The following PLEKHM3 variants were observed in gnomAD, a reference collection of about 807,000 sequenced individuals.
PLEKHM3 encodes the protein pleckstrin homology domain containing M3, also known as pleckstrin homology domain-containing family M member 3.
A neutral mutation model predicts 81.8 loss-of-function variants in PLEKHM3; 45 were observed. That is an observed-to-expected ratio of 0.55 (90% CI 0.43 to 0.71). The LOEUF is 0.71. Ranked by LOEUF, PLEKHM3 falls within the 30% of genes least tolerant of loss-of-function variation. The pLI is 0.00. For synonymous variants in PLEKHM3, 352 were observed against 356.4 expected, an observed-to-expected ratio of 0.99 and a Z score of 0.14; for missense variants, 788 against 924.3, an observed-to-expected ratio of 0.85 and a Z score of 1.91.
intron 6 of PLEKHM3, among the ~76,000 whole-genome samples, chr2:207,892,690 T>C (rs921866227): frequency 6.6e-6 from 1 of 152,098 alleles, no homozygotes; most frequent in Non-Finnish European, 1.5e-5. Context: ...ATCCACCCCA[T>C]TGCCATTGGT....
chr2:207,918,680 A>G (rs1689081046), intron 5 of PLEKHM3, among the ~76,000 whole-genome samples: 1 of 152,238 alleles, frequency 6.6e-6, no homozygotes, highest in Admixed American at 6.5e-5. Context: ...TATGATGAAC[A>G]GTATTCTTTT....
intron 6 of PLEKHM3, among the ~76,000 whole-genome samples, chr2:207,872,428 T>G (rs2092539388): frequency 6.6e-6 from 1 of 152,204 alleles, no homozygotes; most frequent in South Asian, 2.1e-4. Flanking sequence ...TCACATCTCA[T>G]GCAATTTTCT....
chr2:207,856,205 G>A (rs2092436660), intron 7 of PLEKHM3, among the ~76,000 whole-genome samples: 2 of 152,124 alleles, frequency 1.3e-5, no homozygotes, highest in Admixed American at 6.6e-5. Context: ...AAATTGGGCA[G>A]AGAGTTCCCA....
Position 207,931,020 on chromosome 2 carries a change from G to A in PLEKHM3, c.1792C>T (p.Leu598=). Residue 598 remains leucine, a synonymous_variant, in exon 5 of 8, where the codon CTG becomes TTG. Transcript: ENST00000427836. Reference sequence around the variant, plus strand: ...TGCCGCAGCCGCAGCACGGCGGCCAGCGGCTCTGCGTGGTGGTACAGCATG... The same window carrying A: ...TGCCGCAGCCGCAGCACGGCGGCCAACGGCTCTGCGTGGTGGTACAGCATG... ...NAMLYHHAEP[L]AAVLRLRQRL... The A allele has an allele frequency of 6.2e-7, 1 of 1,614,054 alleles. No homozygotes were observed. The highest frequency in any genetic ancestry group is 8.5e-7 in the Non-Finnish European group (1 of 1,179,898).
intron 1 of PLEKHM3, among the ~76,000 whole-genome samples, chr2:208,011,056 G>A (rs1692671810): frequency 7.1e-6 from 1 of 141,244 alleles, no homozygotes; most frequent in African/African-American, 2.7e-5. Flanking sequence ...TGCAAGAATG[G>A]CCATAATCAA....
intron 5 of PLEKHM3, among the ~76,000 whole-genome samples, chr2:207,918,050 C>T (rs1267455643): frequency 6.6e-6 from 1 of 152,100 alleles, no homozygotes; most frequent in Non-Finnish European, 1.5e-5. Flanking sequence ...ATTGCTCATG[C>T]AATCTTTTGA....
chr2:207,880,859 TAAG>T (rs1312636636), intron 6 of PLEKHM3, among the ~76,000 whole-genome samples: 1 of 83,258 alleles, frequency 1.2e-5, no homozygotes, highest in Non-Finnish European at 2.5e-5. Flanking sequence ...CAAATAATCA[TAAG>T]AAGTCTTTTT....
At chr2:207,933,138 A>G (rs1200940855) in intron 4 of PLEKHM3, among the ~76,000 whole-genome samples, 1 of 152,238 alleles carries the variant, frequency 6.6e-6, no homozygotes, top group Non-Finnish European at 1.5e-5. Context: ...GTCTCTGAAA[A>G]TCACAAAAAG....
intron 6 of PLEKHM3, among the ~76,000 whole-genome samples, chr2:207,907,878 C>T (rs533214482): frequency 2.2e-4 from 34 of 152,302 alleles, no homozygotes; most frequent in Non-Finnish European, 3.8e-4. Flanking sequence ...CAATCACTAA[C>T]GTACTTTCTG....
Position 207,976,501 on chromosome 2 carries a change from T to C in PLEKHM3, c.1546+150A>G, listed in dbSNP as rs1459478492. 1 of 747,722 alleles carries C rather than the reference T, an allele frequency of 1.3e-6. No individual in the cohort carries two copies. The highest frequency in any genetic ancestry group is 1.8e-5 in the African/African-American group (1 of 56,512). 46.3% of individuals were successfully genotyped at this position (747,722 alleles called of 1,614,324 possible). A position where few individuals can be genotyped will look rare whatever the true frequency, so the allele number is the denominator to read the frequency against. On this transcript the variant is annotated intron_variant, in intron 3 of 7. Transcript: ENST00000427836. This position sits in a 1 kb window ranked among gnomAD's most constrained non-coding sequence, Gnocchi z 4.1. ...AATATAGTAATTTAATATAGGATGT[T>C]TTAATACAGTAAGCTTCTCGAGGAG...
chr2:207,910,716 AGT>A (rs1688784521), intron 5 of PLEKHM3, among the ~76,000 whole-genome samples: 1 of 152,158 alleles, frequency 6.6e-6, no homozygotes, highest in African/African-American at 2.4e-5. Context: ...GGCCGGTAGC[AGT>A]ATAGAGCCAC....
At chr2:207,833,672 C>A (rs149967528) in intron 7 of PLEKHM3, among the ~76,000 whole-genome samples, 1 of 152,178 alleles carries the variant, frequency 6.6e-6, no homozygotes, top group Non-Finnish European at 1.5e-5. Context: ...AGCCATGTCA[C>A]CCCCTCCTCC....
At position 207,983,114 on chromosome 2, in the gene PLEKHM3, T is replaced by C. The variant is rs540893309; in HGVS notation, c.611-5528A>G. Among the ~76,000 whole-genome samples, 3 of 147,596 alleles carry C rather than the reference T, an allele frequency of 2.0e-5. No homozygotes were observed. The East Asian group carries it at 6.1e-4, about 30-fold the overall frequency. ...TCGCCCAGGCTGGAGTGCAGTGGCA[T>C]GATCTCGGCTTACTGCCAGCTCCGC... On this transcript the variant is annotated intron_variant, in intron 2 of 7. Coordinates refer to ENST00000427836, the MANE Select transcript of PLEKHM3 (RefSeq NM_001080475.3).
chr2:207,923,997 C>T (rs1462022965), intron 5 of PLEKHM3, among the ~76,000 whole-genome samples: 1 of 147,592 alleles, frequency 6.8e-6, no homozygotes, highest in African/African-American at 2.5e-5. Flanking sequence ...CAACCTCCGC[C>T]TCCCAGGTTC....
intron 1 of PLEKHM3, among the ~76,000 whole-genome samples, chr2:208,016,754 G>A (rs1574494887): frequency 6.6e-6 from 1 of 150,654 alleles, no homozygotes; most frequent in East Asian, 2.0e-4. Flanking sequence ...TAACCTTTCA[G>A]CGTGAGGCAA....
At chr2:207,954,374 A>C (rs77988951) in intron 3 of PLEKHM3, among the ~76,000 whole-genome samples, 2,881 of 152,220 alleles carry the variant, frequency 0.019, 93 homozygotes, top group African/African-American at 0.065. Context: ...CTGTCAACAC[A>C]ACAATATGGC....
At chr2:207,989,040 G>A (rs1559272203) in intron 2 of PLEKHM3, among the ~76,000 whole-genome samples, 2 of 152,090 alleles carry the variant, frequency 1.3e-5, no homozygotes, top group African/African-American at 4.8e-5. Context: ...CCCCTCAATC[G>A]TTCTCCATCA....
intron 6 of PLEKHM3, among the ~76,000 whole-genome samples, chr2:207,863,137 C>T (rs2092476603): frequency 6.6e-6 from 1 of 152,246 alleles, no homozygotes. Context: ...TGCATTTCTT[C>T]GAGGTCCAAG....
At chr2:208,024,371 A>G (rs993674428) in intron 1 of PLEKHM3, among the ~76,000 whole-genome samples, 17 of 152,120 alleles carry the variant, frequency 1.1e-4, no homozygotes, top group African/African-American at 4.1e-4. Context: ...TATTCATTGT[A>G]AAGAAAAACT....
Sources: allele counts gnomAD v4.1 joint callset (sites outside exome capture counted in the v4.1 genomes callset), GRCh38; gene constraint gnomAD v4.1.1; non-coding constraint Gnocchi (gnomAD v3.1); transcripts MANE v1.5; gene names NCBI Gene and HGNC (gene_info 2026-07-23, HGNC 2026-07-21).